The following FAM13A variants were observed in gnomAD, a reference collection of about 807,000 sequenced individuals.
The protein encoded by FAM13A is protein FAM13A.
FAM13A carries 76 observed loss-of-function variants against 129.6 expected under a neutral mutation model. The observed-to-expected ratio is 0.59, with a 90% confidence interval of 0.49 to 0.71. The LOEUF (loss-of-function observed/expected upper bound fraction) is 0.71, where lower values mean the gene tolerates loss of function less well. Among genes scored for constraint, FAM13A ranks in the 30% least tolerant of loss-of-function variants. FAM13A has a pLI of 0.00. For missense variants in FAM13A, 1,108 were observed against 1,249.3 expected, an observed-to-expected ratio of 0.89 and a Z score of 1.70; for synonymous variants, 443 against 449.9, an observed-to-expected ratio of 0.98 and a Z score of 0.20.
intron 23 of FAM13A, chr4:88,729,091 AT>A (rs1737059523): frequency 6.7e-6 from 1 of 149,902 alleles, no homozygotes; most frequent in Non-Finnish European, 1.4e-5. Context: ...CCAAAAACAG[AT>A]AGTTAATACT....
rs986344161 is a variant in FAM13A, at chr4:88,951,089, C to T, written c.606-12848G>A. Among the ~76,000 whole-genome samples the T allele has an allele frequency of 7.2e-5, 11 of 152,286 alleles. No homozygotes were observed. The Middle Eastern group carries it at 0.017, about 235-fold the overall frequency. Reference sequence around the variant, plus strand: ...CAATGGGCTTAAGGGCCAGAACAACCGTGCCCCTGGGCTGCTGCTGTTTAT... The same window carrying T: ...CAATGGGCTTAAGGGCCAGAACAACTGTGCCCCTGGGCTGCTGCTGTTTAT... On this transcript the variant is annotated intron_variant, in intron 4 of 23. Coordinates refer to ENST00000264344, the MANE Select transcript of FAM13A (RefSeq NM_014883.4).
rs139561110 is a variant in FAM13A, at chr4:88,735,931, A to G, written c.2646+1541T>C. The stretch of plus-strand genomic sequence containing the variant: ...AAAGAGCATCATTAGGTTATCTTCA[A>G]TTCATTTGGTGAAACCCTTATTAAG... On this transcript the variant is annotated intron_variant, in intron 21 of 23. Coordinates refer to ENST00000264344, the MANE Select transcript of FAM13A (RefSeq NM_014883.4). 2.4e-4 allele frequency among the ~76,000 whole-genome samples: 36 copies of G among 152,294 alleles called. No individual in the cohort carries two copies. In the East Asian group the frequency reaches 4.1e-3, roughly 17 times the overall value.
chr4:88,995,434 T>C (rs558632337), intron 3 of FAM13A, among the ~76,000 whole-genome samples: 2 of 152,304 alleles, frequency 1.3e-5, no homozygotes, highest in African/African-American at 4.8e-5. Context: ...TCTAATCAGC[T>C]GCCAGCAGAG....
chr4:88,972,299 CTTTT>C (rs57674045), intron 4 of FAM13A, among the ~76,000 whole-genome samples: 1 of 137,620 alleles, frequency 7.3e-6, no homozygotes, highest in Non-Finnish European at 1.6e-5. Flanking sequence ...TTCTCCTTCA[CTTTT>C]TTTTTTTTTT....
At chr4:89,048,281 GAAT>G (rs1771118636) in intron 1 of FAM13A, among the ~76,000 whole-genome samples, 1 of 152,066 alleles carries the variant, frequency 6.6e-6, no homozygotes, top group South Asian at 2.1e-4. Context: ...ATCATAAACA[GAAT>G]ATTATTTAAC....
At chr4:88,884,226 A>G (rs1297970531) in intron 6 of FAM13A, among the ~76,000 whole-genome samples, 1 of 152,136 alleles carries the variant, frequency 6.6e-6, no homozygotes. Context: ...ACAACAGACC[A>G]ATATCCCTGA....
intron 5 of FAM13A, among the ~76,000 whole-genome samples, chr4:88,914,491 CTTCCAGCA>C (rs1749760896): frequency 6.6e-6 from 1 of 152,200 alleles, no homozygotes; most frequent in African/African-American, 2.4e-5. Flanking sequence ...CCCTTCCTGC[CTTCCAGCA>C]TTTGCCCTTC....
intron 3 of FAM13A, among the ~76,000 whole-genome samples, chr4:89,011,965 G>A (rs1429707655): frequency 6.6e-6 from 1 of 151,814 alleles, no homozygotes; most frequent in African/African-American, 2.4e-5. Flanking sequence ...TCATTTCTTT[G>A]TATTACTCAG....
At chr4:88,839,689 C>A (rs758354625) in intron 7 of FAM13A, among the ~76,000 whole-genome samples, 7 of 152,100 alleles carry the variant, frequency 4.6e-5, no homozygotes, top group Admixed American at 1.3e-4. Context: ...GAGTTTGAGA[C>A]CAGCCTGGTC....
chr4:88,942,283 G>A (rs1754884539), intron 4 of FAM13A, among the ~76,000 whole-genome samples: 2 of 152,160 alleles, frequency 1.3e-5, no homozygotes, highest in Admixed American at 1.3e-4. Context: ...AAATGTCAAA[G>A]AGGCTGGGTA....
In FAM13A at chr4:88,750,560, G is replaced by A. The variant is rs778915380; in HGVS notation, c.1804C>T (p.Arg602Cys). ...TCGTCCAGCAGCTGACGGATCAGGC[G>A]CCCAGCCTGCGGCGAGAGGTGGGCT... ...DEAHLSPQAG[R>C]LIRQLLDEDS... is the part of the protein sequence containing the mutation. The change falls in exon 15 of 24, where the codon CGC (arginine) becomes TGC (cysteine). Residue 602 changes from arginine to cysteine, a missense_variant. This residue lies in a region of FAM13A where 529 missense variants were observed against 621.2 expected (regional missense o/e 0.85). Coordinates refer to ENST00000264344, the MANE Select transcript of FAM13A (RefSeq NM_014883.4). 2.4e-5 allele frequency: 38 copies of A among 1,614,044 alleles called. No homozygotes were observed. The highest frequency in any genetic ancestry group is 2.7e-5 in the African/African-American group (2 of 74,926).
chr4:88,738,641 G>GGGAGGGACTATGAGC (rs1197707062), intron 20 of FAM13A, among the ~76,000 whole-genome samples: 8 of 152,290 alleles, frequency 5.3e-5, no homozygotes, highest in African/African-American at 1.2e-4. Flanking sequence ...TCTCTTGGAT[G>GGGAGGGACTATGAGC]GGAGGGACTA....
chr4:88,959,362 A>G (rs1235607291), intron 4 of FAM13A, among the ~76,000 whole-genome samples: 1 of 152,182 alleles, frequency 6.6e-6, no homozygotes, highest in Admixed American at 6.5e-5. Context: ...GTGTTTGATC[A>G]TGGGGGATGG....
chr4:88,995,670 G>A (rs1050032682), intron 3 of FAM13A, among the ~76,000 whole-genome samples: 2 of 152,060 alleles, frequency 1.3e-5, no homozygotes, highest in African/African-American at 2.4e-5. Flanking sequence ...TTTGGGACTC[G>A]GACTGGCTTC....
In FAM13A at chr4:88,739,049, G is replaced by T; in HGVS notation, c.2543C>A (p.Ala848Asp). ...YRLVKQILSR[A>D]NTIPIIGSPS... ...ACTCACAATGATGGGTATGGTGTTA[G>T]CTCGGGAGAGGATCTGTTTGACCAG... The change falls in exon 20 of 24, where the codon GCT becomes GAT. Residue 848 changes from alanine (A) to aspartate (D), a missense_variant. Ala to Asp is a moderately radical substitution (Grantham distance 126). This residue lies in a region of FAM13A where 529 missense variants were observed against 621.2 expected (regional missense o/e 0.85). Coordinates refer to ENST00000264344, the MANE Select transcript of FAM13A (RefSeq NM_014883.4). 6.2e-7 allele frequency: 1 copy of T among 1,612,776 alleles called. No individual in the cohort carries two copies. Among genetic ancestry groups the T allele is most frequent in the Non-Finnish European group, 8.5e-7 (1 of 1,178,820 alleles).
At chr4:88,736,320 GGAA>G (rs1396910466) in intron 21 of FAM13A, 2 of 152,106 alleles carry the variant, frequency 1.3e-5, no homozygotes, top group African/African-American at 4.8e-5. Flanking sequence ...GGCAAGAAAA[GGAA>G]TACATAAAAG....
chr4:88,877,356 T>C (rs1742709624), intron 6 of FAM13A, among the ~76,000 whole-genome samples: 1 of 152,218 alleles, frequency 6.6e-6, no homozygotes, highest in South Asian at 2.1e-4. Context: ...CAAAATTGTT[T>C]GACCAAACAG....
chr4:88,968,984 C>A (rs1198038003), intron 4 of FAM13A, among the ~76,000 whole-genome samples: 2 of 152,072 alleles, frequency 1.3e-5, no homozygotes, highest in Non-Finnish European at 2.9e-5. Context: ...CTAATATCAT[C>A]AATTTAAAAG....
chr4:88,746,511 T>C (rs1395754351), intron 19 of FAM13A, among the ~76,000 whole-genome samples: 2 of 152,218 alleles, frequency 1.3e-5, no homozygotes, highest in Non-Finnish European at 2.9e-5. Context: ...AGGCAGATCA[T>C]TCTAGTTTCA....
Sources: gnomAD v4.1 joint callset for allele counts (sites outside exome capture counted in the v4.1 genomes callset) on GRCh38, gnomAD v4.1.1 for gene constraint, gnomAD v4.1.1 regional missense constraint, MANE v1.5 for transcripts, NCBI Gene and HGNC (gene_info 2026-07-23, HGNC 2026-07-21) for gene names.